Variants in CIROZ observed in about 807,000 individuals in gnomAD.
CIROZ encodes the protein ciliated left-right organizer protein containing ZP-N domains, also known as ciliated left-right organizer ZP-N domains-containing protein.
the CIROZ span, among the ~76,000 whole-genome samples, chr1:10,947,313 G>A: frequency 6.6e-6 from 1 of 152,232 alleles, no homozygotes; most frequent in African/African-American, 2.4e-5. Context: ...GGGCCAGGGA[G>A]AGACCAGGAG....
chr1:10,970,980 A>G, the CIROZ span, among the ~76,000 whole-genome samples: 1 of 146,200 alleles, frequency 6.8e-6, no homozygotes, highest in Non-Finnish European at 1.5e-5. Context: ...CCCCATCTCT[A>G]AGAAAAAAAT....
the CIROZ span, chr1:10,947,714 A>T: frequency 6.5e-7 from 1 of 1,548,272 alleles, no homozygotes; most frequent in Non-Finnish European, 8.7e-7. Flanking sequence ...GAAGCTCAGG[A>T]GGCCTGTGGC....
the CIROZ span, among the ~76,000 whole-genome samples, chr1:10,981,311 G>A: frequency 1.2e-4 from 18 of 152,190 alleles, no homozygotes; most frequent in East Asian, 3.3e-3. Context: ...TTACCAAAGT[G>A]TGGTGGCACA....
chr1:10,951,008 C>T, the CIROZ span, among the ~76,000 whole-genome samples: 1 of 152,158 alleles, frequency 6.6e-6, no homozygotes, highest in Non-Finnish European at 1.5e-5. Flanking sequence ...TCCCTGTCAC[C>T]TCCAACACTG....
chr1:10,960,311 C>G, the CIROZ span, among the ~76,000 whole-genome samples: 1 of 151,978 alleles, frequency 6.6e-6, no homozygotes. The surrounding 1 kb of genome is among the most constrained non-coding windows in gnomAD (Gnocchi z 4.6). Flanking sequence ...GGCTGAGGCA[C>G]GAGGTTCGCT....
the CIROZ span, chr1:10,957,834 G>C: frequency 6.8e-7 from 1 of 1,472,666 alleles, no homozygotes; most frequent in Non-Finnish European, 9.2e-7. Flanking sequence ...GACACTTGAA[G>C]GGTCACCTAG....
the CIROZ span, among the ~76,000 whole-genome samples, chr1:10,966,726 G>T: frequency 6.6e-6 from 1 of 152,152 alleles, no homozygotes; most frequent in African/African-American, 2.4e-5. Flanking sequence ...TCCTCGGCTT[G>T]TGTCATTGCA....
the CIROZ span, among the ~76,000 whole-genome samples, chr1:10,970,690 A>C: frequency 1.1e-3 from 163 of 152,180 alleles, 1 homozygote; most frequent in African/African-American, 3.9e-3. Flanking sequence ...CAGATTCAGT[A>C]GGTCTAAGGC....
chr1:10,978,124 G>A, the CIROZ span, among the ~76,000 whole-genome samples: 32 of 150,926 alleles, frequency 2.1e-4, no homozygotes, highest in Non-Finnish European at 4.0e-4. Context: ...AGCTGAGAGC[G>A]TGACATTGTA....
chr1:10,960,574 C>A, the CIROZ span, among the ~76,000 whole-genome samples: 2 of 152,222 alleles, frequency 1.3e-5, no homozygotes, highest in Non-Finnish European at 2.9e-5. This position sits in a 1 kb window ranked among gnomAD's most constrained non-coding sequence, Gnocchi z 4.6. Flanking sequence ...ATTGAGTTTA[C>A]GGGTGCCCCT....
At chr1:10,959,127 C>T in the CIROZ span, among the ~76,000 whole-genome samples, 11 of 152,158 alleles carry the variant, frequency 7.2e-5, no homozygotes, top group Admixed American at 2.0e-4. The surrounding 1 kb of genome is among the most constrained non-coding windows in gnomAD (Gnocchi z 4.3). Flanking sequence ...ATTTCTTTCT[C>T]GCCCTTTTTC....
the CIROZ span, chr1:10,957,086 G>A: frequency 3.9e-6 from 6 of 1,550,098 alleles, no homozygotes; most frequent in African/African-American, 1.4e-5. Context: ...AGTGGCAGGA[G>A]CTCAGCAGAG....
the CIROZ span, among the ~76,000 whole-genome samples, chr1:10,961,299 C>T: frequency 6.6e-6 from 1 of 152,104 alleles, no homozygotes; most frequent in Non-Finnish European, 1.5e-5. Context: ...CGGGGCCGGC[C>T]CCGCAATTCT....
the CIROZ span, among the ~76,000 whole-genome samples, chr1:10,956,014 G>T: frequency 6.6e-6 from 1 of 152,140 alleles, no homozygotes; most frequent in Admixed American, 6.5e-5. Flanking sequence ...AACAGGGAAA[G>T]AGATGGTTGG....
chr1:10,967,143 T>C, the CIROZ span, among the ~76,000 whole-genome samples: 1 of 117,782 alleles, frequency 8.5e-6, no homozygotes, highest in Admixed American at 8.5e-5. Flanking sequence ...AGTGAAACAC[T>C]GTCCAAAAAA....
At chr1:10,949,477 A>G in the CIROZ span, 2 of 919,850 alleles carry the variant, frequency 2.2e-6, no homozygotes, top group Non-Finnish European at 3.3e-6. Context: ...TTGAGGAGGT[A>G]ACATGGTTGG....
At chr1:10,963,961 C>G in the CIROZ span, among the ~76,000 whole-genome samples, 1 of 152,126 alleles carries the variant, frequency 6.6e-6, no homozygotes, top group African/African-American at 2.4e-5. Flanking sequence ...CTAGCCAGTA[C>G]CCAGGGATGT....
At chr1:10,970,138 A>G in the CIROZ span, 984 of 1,313,792 alleles carry the variant, frequency 7.5e-4, 14 homozygotes, top group South Asian at 0.015. Context: ...GGGAGGGAGG[A>G]AGGAAGGAAG....
At chr1:10,972,420 TAC>T in the CIROZ span, among the ~76,000 whole-genome samples, 4,105 of 131,678 alleles carry the variant, frequency 0.031, 81 homozygotes, top group Admixed American at 0.085. Flanking sequence ...GTCTCTGAAA[TAC>T]ACACACACAC....
Sources: allele counts gnomAD v4.1 joint callset (sites outside exome capture counted in the v4.1 genomes callset), GRCh38; gene constraint gnomAD v4.1.1; non-coding constraint Gnocchi (gnomAD v3.1); transcripts MANE v1.5; gene names NCBI Gene and HGNC (gene_info 2026-07-23, HGNC 2026-07-21).